DPP10: variants seen among roughly 807,000 people sequenced by gnomAD.
DPP10 encodes the protein dipeptidyl peptidase like 10.
DPP10 carries 33 observed loss-of-function variants against 120.9 expected under a neutral mutation model. The ratio of observed to expected loss-of-function variants is 0.27; its 90% CI spans 0.21 to 0.37. DPP10 has a LOEUF of 0.37. Among genes scored for constraint, DPP10 ranks in the 10% least tolerant of loss-of-function variants. DPP10 has a pLI of 1.00. For synonymous variants in DPP10, 337 were observed against 326.1 expected (o/e 1.03, Z -0.36); for missense variants, 816 against 942.8 (o/e 0.87, Z 1.76).
chr2:114,993,540 G>A (rs1463694638), intron 1 of DPP10, among the ~76,000 whole-genome samples: 1 of 134,536 alleles, frequency 7.4e-6, no homozygotes, highest in Non-Finnish European at 1.6e-5. Flanking sequence ...TAAATTCAAT[G>A]TAGATAATGG....
chr2:115,722,203 A>C (rs1256512459), intron 7 of DPP10, among the ~76,000 whole-genome samples: 1 of 152,010 alleles, frequency 6.6e-6, no homozygotes, highest in Non-Finnish European at 1.5e-5. Flanking sequence ...ACAGTCAATG[A>C]TAATTCATTG....
At chr2:115,259,775 AATG>A (rs2059168160) in intron 1 of DPP10, among the ~76,000 whole-genome samples, 1 of 152,136 alleles carries the variant, frequency 6.6e-6, no homozygotes. Flanking sequence ...GTATTGAATG[AATG>A]ATGATATTAA....
intron 5 of DPP10, among the ~76,000 whole-genome samples, chr2:115,674,109 C>T (rs2090100730): frequency 6.6e-6 from 1 of 152,110 alleles, no homozygotes; most frequent in Admixed American, 6.5e-5. Flanking sequence ...CCTGTAATCC[C>T]AGCTACTTGG....
At chr2:114,949,170 G>C (rs529386690) in intron 1 of DPP10, among the ~76,000 whole-genome samples, 1 of 151,956 alleles carries the variant, frequency 6.6e-6, no homozygotes, top group Non-Finnish European at 1.5e-5. Flanking sequence ...TGATGCACCC[G>C]CCTCGGCCTC....
intron 19 of DPP10, among the ~76,000 whole-genome samples, chr2:115,801,734 T>A (rs1457873843): frequency 1.3e-5 from 2 of 152,146 alleles, no homozygotes; most frequent in African/African-American, 2.4e-5. Flanking sequence ...CTGGATTACG[T>A]TTATTGATTT....
intron 1 of DPP10, among the ~76,000 whole-genome samples, chr2:115,084,355 G>T (rs892875049): frequency 1.3e-5 from 2 of 152,122 alleles, no homozygotes; most frequent in Admixed American, 1.3e-4. Flanking sequence ...TCTGAAAATT[G>T]TTCATTTAGC....
At chr2:115,161,938 C>G in intron 1 of DPP10, 1 of 1,441,638 alleles carries the variant, frequency 6.9e-7, no homozygotes. Flanking sequence ...GAAGCGAGCG[C>G]CAGCGCGGGC....
At chr2:114,469,432 A>AAT (rs999593257) in intron 1 of DPP10, among the ~76,000 whole-genome samples, 5 of 152,222 alleles carry the variant, frequency 3.3e-5, no homozygotes, top group East Asian at 3.9e-4. Context: ...GTTTTTAAAA[A>AAT]ATATATATAT....
intron 7 of DPP10, among the ~76,000 whole-genome samples, chr2:115,696,792 T>G (rs977658357): frequency 6.6e-6 from 1 of 152,046 alleles, no homozygotes; most frequent in African/African-American, 2.4e-5. Flanking sequence ...TTTAAAATTT[T>G]TAGTCTAAAA....
At chr2:114,619,482 T>C (rs1034569997) in intron 1 of DPP10, among the ~76,000 whole-genome samples, 1 of 151,420 alleles carries the variant, frequency 6.6e-6, no homozygotes, top group Non-Finnish European at 1.5e-5. Flanking sequence ...TTTCCAGACA[T>C]CAAAATACTC....
intron 2 of DPP10, among the ~76,000 whole-genome samples, chr2:115,320,082 T>C (rs1324697841): frequency 6.6e-6 from 1 of 152,182 alleles, no homozygotes. Flanking sequence ...TTGATACATA[T>C]ATGTTTATTA....
intron 3 of DPP10, among the ~76,000 whole-genome samples, chr2:115,448,305 C>A (rs2072802086): frequency 6.6e-6 from 1 of 152,076 alleles, no homozygotes; most frequent in Non-Finnish European, 1.5e-5. Context: ...TACCACCAGT[C>A]AATAAGAAGA....
chr2:115,094,566 C>T (rs1009331101), intron 1 of DPP10, among the ~76,000 whole-genome samples: 3 of 152,102 alleles, frequency 2.0e-5, no homozygotes, highest in South Asian at 2.1e-4. Flanking sequence ...GGGTTACGAG[C>T]GTCTTGTCTG....
intron 1 of DPP10, among the ~76,000 whole-genome samples, chr2:115,105,941 G>C (rs1389178169): frequency 2.0e-5 from 3 of 152,096 alleles, no homozygotes; most frequent in African/African-American, 7.2e-5. Flanking sequence ...CATCCTAATG[G>C]CAACACAAAC....
intron 1 of DPP10, among the ~76,000 whole-genome samples, chr2:115,208,189 CTCTTTTTTTTTTTT>C (rs1048679327): frequency 7.5e-5 from 11 of 146,688 alleles, no homozygotes; most frequent in South Asian, 2.1e-4. Context: ...TACATTATTT[CTCTTTTTTTTTTTT>C]TCTTTTTTTT....
At chr2:114,786,880 C>T (rs1682812362) in intron 1 of DPP10, among the ~76,000 whole-genome samples, 1 of 152,172 alleles carries the variant, frequency 6.6e-6, no homozygotes, top group Non-Finnish European at 1.5e-5. Context: ...AGCTGCTGCC[C>T]TCAACCATTC....
intron 5 of DPP10, among the ~76,000 whole-genome samples, chr2:115,686,621 G>A (rs909411198): frequency 6.6e-6 from 1 of 152,024 alleles, no homozygotes; most frequent in Non-Finnish European, 1.5e-5. Context: ...ATAATATAGA[G>A]ATGATGGGTA....
intron 24 of DPP10, among the ~76,000 whole-genome samples, chr2:115,837,539 C>G (rs936983109): frequency 7.2e-5 from 11 of 152,152 alleles, no homozygotes; most frequent in Non-Finnish European, 1.3e-4. Flanking sequence ...TTAACTTCTT[C>G]CTCTTTAGGG....
intron 3 of DPP10, among the ~76,000 whole-genome samples, chr2:115,427,802 G>C (rs991013599): frequency 6.6e-6 from 1 of 152,106 alleles, no homozygotes; most frequent in African/African-American, 2.4e-5. Flanking sequence ...CTAAAAATGG[G>C]CTTTTTGTTT....
Sources: gnomAD v4.1 joint callset for allele counts (sites outside exome capture counted in the v4.1 genomes callset) on GRCh38, gnomAD v4.1.1 for gene constraint, MANE v1.5 for transcripts, NCBI Gene and HGNC (gene_info 2026-07-23, HGNC 2026-07-21) for gene names.